The following GPHN variants were observed in gnomAD, a reference collection of about 807,000 sequenced individuals.
The protein encoded by GPHN is gephyrin.
In GPHN, 17 loss-of-function variants were observed where a neutral mutation model predicts 95.5. That is an observed-to-expected ratio of 0.18 (90% confidence interval 0.12 to 0.27). The LOEUF is 0.27. Among genes scored for constraint, GPHN ranks in the 10% least tolerant of loss-of-function variants. GPHN has a pLI of 1.00. For missense variants in GPHN, 660 were observed against 978.1 expected (o/e 0.67, Z 4.34); for synonymous variants, 320 against 322.5 (o/e 0.99, Z 0.08).
chr14:67,724,151 T>C, the GPHN span, among the ~76,000 whole-genome samples: 3 of 152,226 alleles, frequency 2.0e-5, no homozygotes, highest in African/African-American at 4.8e-5. Context: ...CTCTGGAACC[T>C]CTAGAGATAA....
At chr14:67,722,261 A>G in the GPHN span, among the ~76,000 whole-genome samples, 75 of 152,314 alleles carry the variant, frequency 4.9e-4, 3 homozygotes, top group Admixed American at 2.5e-3. Flanking sequence ...TATATATTCC[A>G]TCTTGCAGTA....
intron 4 of GPHN, among the ~76,000 whole-genome samples, chr14:66,853,832 GCAC>G (rs2062692500): frequency 2.0e-5 from 3 of 152,244 alleles, no homozygotes; most frequent in Admixed American, 6.5e-5. Context: ...ACAGATTTTG[GCAC>G]TGTATTTTTA....
the GPHN span, chr14:67,364,472 C>A: frequency 3.8e-6 from 1 of 266,504 alleles, no homozygotes. Context: ...TCCTTTAATC[C>A]TTAGGTCTTG....
At chr14:67,055,344 G>A (rs2075508277) in intron 10 of GPHN, among the ~76,000 whole-genome samples, 1 of 152,274 alleles carries the variant, frequency 6.6e-6, no homozygotes, top group African/African-American at 2.4e-5. Context: ...TTAGAGAAAT[G>A]CAAATCAAAA....
the GPHN span, chr14:67,722,648 G>C: frequency 1.2e-6 from 2 of 1,613,690 alleles, no homozygotes; most frequent in Non-Finnish European, 1.7e-6. Context: ...GAACGATGCT[G>C]GTCACCTTGG....
intron 2 of GPHN, among the ~76,000 whole-genome samples, chr14:66,740,015 T>C (rs1179945231): frequency 6.6e-6 from 1 of 151,994 alleles, no homozygotes; most frequent in African/African-American, 2.4e-5. Flanking sequence ...ACAGATACAA[T>C]TGAAGAGAGA....
the GPHN span, chr14:67,454,696 A>C: frequency 6.6e-6 from 1 of 152,210 alleles, no homozygotes; most frequent in Non-Finnish European, 1.5e-5. Context: ...AAAGTAAGAA[A>C]ATATATCATT....
intron 9 of GPHN, among the ~76,000 whole-genome samples, chr14:67,003,166 G>A (rs528214313): frequency 6.6e-6 from 1 of 151,564 alleles, no homozygotes; most frequent in South Asian, 2.1e-4. Flanking sequence ...CCCCAAAGAT[G>A]ACTAATAGGA....
chr14:66,606,706 G>A (rs960230090), intron 1 of GPHN, among the ~76,000 whole-genome samples: 2 of 151,910 alleles, frequency 1.3e-5, no homozygotes, highest in East Asian at 1.9e-4. Context: ...TTAGATGTAT[G>A]CATAGGTTTT....
At chr14:67,188,708 A>G in the GPHN span, among the ~76,000 whole-genome samples, 1 of 152,158 alleles carries the variant, frequency 6.6e-6, no homozygotes, top group Non-Finnish European at 1.5e-5. Context: ...AATCAAGTGC[A>G]TTGAACCACC....
chr14:67,337,875 C>T, the GPHN span: 9 of 152,300 alleles, frequency 5.9e-5, no homozygotes, highest in African/African-American at 2.2e-4. Flanking sequence ...GCCCTCATAA[C>T]TCATCGGCAA....
the GPHN span, among the ~76,000 whole-genome samples, chr14:67,556,295 A>G: frequency 6.6e-6 from 1 of 152,218 alleles, no homozygotes. Flanking sequence ...TGGCAAGGAA[A>G]GAAAGCTGGA....
At chr14:67,587,868 G>A in the GPHN span, 1 of 154,136 alleles carries the variant, frequency 6.5e-6, no homozygotes, top group Admixed American at 6.4e-5. Flanking sequence ...TTTTAATATT[G>A]TATATGGTCT....
At chr14:67,335,937 A>AAAAT in the GPHN span, 1 of 152,238 alleles carries the variant, frequency 6.6e-6, no homozygotes, top group Non-Finnish European at 1.5e-5. Context: ...GCTACAACAC[A>AAAAT]AAATACTTTT....
the GPHN span, chr14:67,651,686 C>A: frequency 9.5e-6 from 4 of 420,960 alleles, no homozygotes; most frequent in East Asian, 4.5e-5. Context: ...TAAACTGAGA[C>A]AATAAAAACC....
chr14:67,150,425 A>T (rs2081190444), intron 18 of GPHN, among the ~76,000 whole-genome samples: 1 of 127,762 alleles, frequency 7.8e-6, no homozygotes, highest in Admixed American at 8.9e-5. Context: ...TGGGCGACAG[A>T]GCGAGACTCC....
chr14:67,450,370 C>T, the GPHN span, among the ~76,000 whole-genome samples: 1 of 152,122 alleles, frequency 6.6e-6, no homozygotes, highest in Non-Finnish European at 1.5e-5. Flanking sequence ...GGGTAACAGG[C>T]AGAGGTTGGA....
the GPHN span, among the ~76,000 whole-genome samples, chr14:67,206,195 CAAAAG>C: frequency 6.6e-6 from 1 of 151,304 alleles, no homozygotes; most frequent in Non-Finnish European, 1.5e-5. Context: ...AAACACAAAA[CAAAAG>C]AAAAGAAAGA....
At chr14:67,237,107 T>G in the GPHN span, among the ~76,000 whole-genome samples, 27 of 150,938 alleles carry the variant, frequency 1.8e-4, no homozygotes, top group Non-Finnish European at 3.0e-4. Flanking sequence ...GAAAATATAT[T>G]ATATATATAT....
Sources: gnomAD v4.1 joint callset for allele counts (sites outside exome capture counted in the v4.1 genomes callset) on GRCh38, gnomAD v4.1.1 for gene constraint, MANE v1.5 for transcripts, NCBI Gene and HGNC (gene_info 2026-07-23, HGNC 2026-07-21) for gene names.